Variants in DHX8 observed in about 807,000 individuals in gnomAD.
The protein encoded by DHX8 is ATP-dependent RNA helicase DHX8.
Under a neutral mutation model 140.7 loss-of-function variants are expected in DHX8, and 67 were observed. That is an observed-to-expected ratio of 0.48 (90% CI 0.39 to 0.58). The LOEUF (loss-of-function observed/expected upper bound fraction) is 0.58. Among genes scored for constraint, DHX8 ranks in the 20% least tolerant of loss-of-function variants. DHX8 has a pLI of 0.00. For missense variants in DHX8, 887 were observed against 1,550.7 expected (o/e 0.57, Z 7.19); for synonymous variants, 533 against 553.2 (o/e 0.96, Z 0.51).
chr17:43,504,073 T>C (rs1274004945), intron 11 of DHX8, among the ~76,000 whole-genome samples: 3 of 150,672 alleles, frequency 2.0e-5, no homozygotes, highest in African/African-American at 7.4e-5. Flanking sequence ...CAAGACCCTG[T>C]CTCAAAAAAA....
intron 9 of DHX8, 120 bp from the exon 10 acceptor site, chr17:43,498,741 GC>G: frequency 1.4e-6 from 1 of 697,506 alleles, no homozygotes. Flanking sequence ...GAGCCACCAT[GC>G]CCCACCAGGG....
chr17:43,524,450 C>T lies in DHX8; in HGVS notation c.*603C>T, dbSNP rs1038972332. The stretch of plus-strand genomic sequence containing the variant: ...TCCCCTGAATCCCCTGAAACCAGAA[C>T]GCAGGGCCTCTTTGCGCTCGGAAAC... On this transcript the variant is annotated 3_prime_UTR_variant, in exon 23 of 23. Transcript: ENST00000262415. The T allele has an allele frequency of 5.6e-5, 55 of 987,474 alleles. No individual in the cohort carries two copies. Among genetic ancestry groups the T allele is most frequent in the Non-Finnish European group, 6.4e-5 (53 of 831,512 alleles). The allele number at this position is 987,474 out of a possible 1,614,324, so 61.2% of individuals were successfully genotyped here.
chr17:43,492,539 A>T (rs1968584928), intron 5 of DHX8, 142 bp from the exon 6 acceptor site: 15 of 637,652 alleles, frequency 2.4e-5, no homozygotes, highest in South Asian at 1.6e-4. Flanking sequence ...GCTTATAGGG[A>T]TGTCGTAGTT....
intron 9 of DHX8, among the ~76,000 whole-genome samples, chr17:43,498,435 C>G (rs1212220961): frequency 6.6e-6 from 1 of 151,422 alleles, no homozygotes; most frequent in Non-Finnish European, 1.5e-5. Context: ...GTAAGAGCCA[C>G]TGCACCCGGC....
chr17:43,495,795 C>T (rs1370868589), intron 8 of DHX8, among the ~76,000 whole-genome samples: 2 of 152,146 alleles, frequency 1.3e-5, no homozygotes, highest in Non-Finnish European at 2.9e-5. Flanking sequence ...CTGTAATTAA[C>T]TCTCCTAGAA....
intron 16 of DHX8, among the ~76,000 whole-genome samples, chr17:43,510,054 T>C (rs971388572): frequency 5.3e-5 from 8 of 151,372 alleles, no homozygotes; most frequent in Non-Finnish European, 1.2e-4. Flanking sequence ...TGTTTGTTTG[T>C]TTGTTTGTTT....
intron 9 of DHX8, among the ~76,000 whole-genome samples, chr17:43,496,777 CA>C (rs199767106): frequency 3.8e-4 from 54 of 141,200 alleles, no homozygotes; most frequent in Admixed American, 5.0e-4. Context: ...GAGACTCTAT[CA>C]AAAAAAAAAA....
chr17:43,517,544 C>A, intron 18 of DHX8: 1 of 533,586 alleles, frequency 1.9e-6, no homozygotes, highest in Non-Finnish European at 3.3e-6. Flanking sequence ...ACCATAACAA[C>A]CAGCAGGATA....
intron 18 of DHX8, chr17:43,519,412 T>G (rs2154586858): frequency 6.6e-6 from 1 of 152,406 alleles, no homozygotes; most frequent in African/African-American, 2.4e-5. Flanking sequence ...GTATATCTTC[T>G]TTGAAGAAAT....
At position 43,489,506 on chromosome 17, in the gene DHX8, C is replaced by T. The variant is rs2154586314; in HGVS notation, c.206C>T (p.Ser69Phe). The T allele has an allele frequency of 6.2e-7, 1 of 1,609,444 alleles. No individual in the cohort carries two copies. The highest frequency in any genetic ancestry group is 2.2e-5 in the East Asian group (1 of 44,864). Residue 69 changes from serine (S) to phenylalanine (F), a missense_variant, in exon 2 of 23, where the codon TCT becomes TTT. By Grantham distance (155) the Ser-to-Phe change is radical. Around this residue, in one of 9 missense-constraint regions of DHX8, gnomAD observed 304 missense variants for 306.9 expected, o/e 0.99. Coordinates refer to ENST00000262415, the MANE Select transcript of DHX8 (RefSeq NM_004941.3). ...ACCACCTTTGATACTTTTAAGGCTT[C>T]TCTCGTCAAAAATGGTGCAGAATTT... ...KNTTFDTFKA[S>F]LVKNGAEFTD...
At chr17:43,536,390 A>G (rs1971244185) in intron 2 of DHX8, 8 of 1,589,308 alleles carry the variant, frequency 5.0e-6, no homozygotes, top group African/African-American at 1.3e-5. Flanking sequence ...GCCATCCTCC[A>G]CTCCCTATAC....
rs761053649 is a variant in DHX8 at position 43,493,583 on chromosome 17, C to T, written c.1002C>T (p.Ser334=). Residue 334 remains serine, a synonymous_variant, in exon 7 of 23, where the codon AGC becomes AGT. Transcript: ENST00000262415. ...LSFTGTKTSL[S]MKDVDQETGE... is the part of the protein sequence containing the mutation. ...TCACTGGGACCAAGACCAGCCTGAGCATGAAGGTAGGTGAGATGGTCAGCC... is the reference window on the plus strand; with the variant it reads ...TCACTGGGACCAAGACCAGCCTGAGTATGAAGGTAGGTGAGATGGTCAGCC... 1 of 1,613,998 alleles carries T rather than the reference C, an allele frequency of 6.2e-7. No individual in the cohort carries two copies. Among genetic ancestry groups the T allele is most frequent in the Non-Finnish European group, 8.5e-7 (1 of 1,180,036 alleles).
In DHX8 at chr17:43,491,214, C is replaced by T. The variant is rs1968498374; in HGVS notation, c.357C>T (p.Phe119=). The T allele has an allele frequency of 1.9e-6, 3 of 1,540,806 alleles. No homozygotes were observed. Among genetic ancestry groups the T allele is most frequent in the Non-Finnish European group, 2.6e-6 (3 of 1,143,690 alleles). ...KTEKEKLKEL[F]PVLCQPDNPS... ...AAAAAGAAAAGCTGAAGGAACTCTT[C>T]CCAGTCCTTTGCCAACCGGACAACC... Residue 119 remains phenylalanine, a synonymous_variant, in exon 4 of 23, where the codon TTC becomes TTT. Transcript: ENST00000262415.
At chr17:43,489,707 C>T (rs1378834321) in intron 2 of DHX8, among the ~76,000 whole-genome samples, 173 bp downstream of exon 2, 1 of 150,684 alleles carries the variant, frequency 6.6e-6, no homozygotes, top group Non-Finnish European at 1.5e-5. Flanking sequence ...TCTCTTGCCT[C>T]AGTCTCCCAA....
At chr17:43,497,303 T>C (rs1275110658) in intron 9 of DHX8, among the ~76,000 whole-genome samples, 1 of 151,778 alleles carries the variant, frequency 6.6e-6, no homozygotes, top group Non-Finnish European at 1.5e-5. Context: ...AGTGTTTATA[T>C]ATAAATTGTC....
At position 43,513,340 on chromosome 17, in the gene DHX8, G is replaced by A. The variant is rs191471691; in HGVS notation, c.2503-22G>A. On this transcript the variant is annotated intron_variant, in intron 16 of 22. Coordinates refer to ENST00000262415, the MANE Select transcript of DHX8 (RefSeq NM_004941.3). The stretch of plus-strand genomic sequence containing the variant: ...GGCTGAGCCTGGGCACCTCACTCCA[G>A]CTTTGCCCCTCTTGCCTGCAGGTTG... The A allele has an allele frequency of 1.0e-4, 162 of 1,611,018 alleles. No individual in the cohort carries two copies. The African/African-American group carries it at 1.9e-3, about 19-fold the overall frequency.
downstream of DHX8, chr17:43,527,950 C>G (rs1197598920): frequency 1.3e-5 from 3 of 233,388 alleles, no homozygotes; most frequent in Admixed American, 1.7e-4. Context: ...CAAAGGGTCC[C>G]TTGGAGCAGG....
rs190829260 is a variant in DHX8, at chr17:43,540,665, C to G, written c.*21-3497C>G. The stretch of plus-strand genomic sequence containing the variant: ...CAGGTAATCCTTTCACTTCAGCCAC[C>G]ACAACCTTAAAAATAGGCACATTTG... On this transcript the variant is annotated intron_variant, in intron 3 of 3. Coordinates refer to the DHX8 transcript ENST00000589898. 4.6e-5 allele frequency among the ~76,000 whole-genome samples: 7 copies of G among 152,238 alleles called. No homozygotes were observed. The East Asian group carries it at 7.7e-4, about 17-fold the overall frequency.
rs1417247737 is a variant in DHX8, at chr17:43,525,518, A to G, written c.*1671A>G. Reference sequence around the variant, plus strand: ...CCTTTGTAAGCCCAGGCCAGTAATCAAGGGGCAGGGCATTGTTGTGTGTTA... The same window carrying G: ...CCTTTGTAAGCCCAGGCCAGTAATCGAGGGGCAGGGCATTGTTGTGTGTTA... On this transcript the variant is annotated 3_prime_UTR_variant, in exon 23 of 23. Transcript: ENST00000262415. 3.0e-6 allele frequency: 3 copies of G among 985,310 alleles called. No individual in the cohort carries two copies. The highest frequency in any genetic ancestry group is 3.6e-6 in the Non-Finnish European group (3 of 829,970). 61.0% of individuals were successfully genotyped at this position (985,310 alleles called of 1,614,324 possible).
Sources: gnomAD v4.1 joint callset for allele counts (sites outside exome capture counted in the v4.1 genomes callset) on GRCh38, gnomAD v4.1.1 for gene constraint, gnomAD v4.1.1 regional missense constraint, MANE v1.5 for transcripts, NCBI Gene and HGNC (gene_info 2026-07-23, HGNC 2026-07-21) for gene names.